Variants in GRIK4 observed in about 807,000 individuals in gnomAD.
GRIK4 encodes the protein glutamate receptor ionotropic, kainate 4.
A neutral mutation model predicts 104.9 loss-of-function variants in GRIK4; 40 were observed. The observed-to-expected ratio is 0.38, with a 90% confidence interval of 0.30 to 0.50. GRIK4 has a LOEUF of 0.50. GRIK4 is among the 20% of genes least tolerant of loss of function. The probability of loss-of-function intolerance (pLI) is 0.93; values close to 1 mark genes in which losing one functional copy is unlikely to be tolerated. For missense variants in GRIK4, 1,047 were observed against 1,308.1 expected, an observed-to-expected ratio of 0.80 and a Z score of 3.08; for synonymous variants, 485 against 524.9, an observed-to-expected ratio of 0.92 and a Z score of 1.04.
intron 11 of GRIK4, among the ~76,000 whole-genome samples, chr11:120,888,337 C>T (rs77736487): frequency 0.014 from 2,133 of 152,092 alleles, 52 homozygotes; most frequent in African/African-American, 0.048. Context: ...GGGCAAGAAA[C>T]CCAACCTCTC....
At position 120,524,138 on chromosome 11, in the gene GRIK4, G is replaced by T. The variant is rs1034873337; in HGVS notation, c.-159+12251G>T. Among the ~76,000 whole-genome samples, 4 of 152,132 alleles carry T rather than the reference G, an allele frequency of 2.6e-5. No individual in the cohort carries two copies. The highest frequency in any genetic ancestry group is 9.7e-5 in the African/African-American group (4 of 41,420). ...GACAGGGTTTCATCATGTTAGCCAG[G>T]ATGGTCTCGATCTCCTGACCTCATG... On this transcript the variant is annotated intron_variant, in intron 1 of 20. Transcript: ENST00000527524. The surrounding 1 kb of genome is among the most constrained non-coding windows in gnomAD (Gnocchi z 4.5).
intron 5 of GRIK4, 29 bp downstream of exon 5, chr11:120,815,504 C>T (rs1952933172): frequency 2.3e-6 from 3 of 1,331,712 alleles, no homozygotes; most frequent in Non-Finnish European, 3.1e-6. Flanking sequence ...TGGGGAATAT[C>T]TGTGTGCTGG....
Position 120,815,481 on chromosome 11 carries a change from T to C in GRIK4, c.345+6T>C, listed in dbSNP as rs1283584293. Reference sequence around the variant, plus strand: ...ACATCTGTGGAGAGAAGGAGGTGAGTGTGAGGCAGGGCTGGGGAATATCTG... The same window carrying C: ...ACATCTGTGGAGAGAAGGAGGTGAGCGTGAGGCAGGGCTGGGGAATATCTG... On this transcript the variant is annotated splice_donor_region_variant and intron_variant, in intron 5 of 20. Transcript: ENST00000527524. The C allele has an allele frequency of 6.7e-7, 1 of 1,502,648 alleles. No homozygotes were observed. The highest frequency in any genetic ancestry group is 9.0e-7 in the Non-Finnish European group (1 of 1,106,578). The allele number at this position is 1,502,648 out of a possible 1,614,324, so 93.1% of individuals were successfully genotyped here.
chr11:120,530,016 G>A (rs1341065729), intron 1 of GRIK4, among the ~76,000 whole-genome samples: 4 of 152,214 alleles, frequency 2.6e-5, no homozygotes, highest in Non-Finnish European at 4.4e-5. Flanking sequence ...GTGGCTCAGT[G>A]GCCTGCTTAG....
At chr11:120,755,236 T>C (rs1000963597) in intron 3 of GRIK4, among the ~76,000 whole-genome samples, 1 of 152,008 alleles carries the variant, frequency 6.6e-6, no homozygotes, top group Non-Finnish European at 1.5e-5. Context: ...GAGAACACAA[T>C]TGCACCATGG....
chr11:120,940,239 G>T lies in GRIK4; in HGVS notation c.1477-108G>T. ...CTTAGAGCCACTCCTCAAGCAAGAA[G>T]CCAGACCAGCATCACATCTCCAATA... is the stretch of plus-strand genomic sequence containing the variant. On this transcript the variant is annotated intron_variant, in intron 13 of 20. Transcript: ENST00000527524. This position sits in a 1 kb window ranked among gnomAD's most constrained non-coding sequence, Gnocchi z 4.3. The T allele has an allele frequency of 1.5e-6, 1 of 672,232 alleles. No homozygotes were observed. 41.6% of individuals were successfully genotyped at this position (672,232 alleles called of 1,614,324 possible).
In GRIK4 at chr11:120,574,260, G is replaced by A. The variant is rs116169285; in HGVS notation, c.-159+62373G>A. ...GACTGTGCCGGGAGCAGCCATCCAC[G>A]ATCACGTCGCTGGGCTGGATGGTCC... On this transcript the variant is annotated intron_variant, in intron 1 of 20. Coordinates refer to ENST00000527524, the MANE Select transcript of GRIK4 (RefSeq NM_014619.5). 2.6e-3 allele frequency among the ~76,000 whole-genome samples: 393 copies of A among 152,282 alleles called. 2 individuals are homozygous for A. Among genetic ancestry groups the A allele is most frequent in the African/African-American group, 9.0e-3 (372 of 41,550 alleles).
intron 13 of GRIK4, among the ~76,000 whole-genome samples, chr11:120,918,448 A>G (rs1045281939): frequency 6.6e-6 from 1 of 152,194 alleles, no homozygotes; most frequent in Non-Finnish European, 1.5e-5. Context: ...TTACTTTCAT[A>G]GAGTTCACAT....
chr11:120,793,853 G>A (rs937970738), intron 3 of GRIK4, among the ~76,000 whole-genome samples: 3 of 149,772 alleles, frequency 2.0e-5, no homozygotes, highest in Non-Finnish European at 3.0e-5. Flanking sequence ...GGGAAGGGCA[G>A]TGTTAGGGCT....
chr11:120,512,196 G>T (rs7115952), intron 1 of GRIK4, among the ~76,000 whole-genome samples: 10,423 of 150,830 alleles, frequency 0.069, 1,080 homozygotes, highest in African/African-American at 0.23. Flanking sequence ...CCCTCCCTCC[G>T]CATCCCTTCC....
chr11:120,725,790 T>A (rs537636793), intron 3 of GRIK4, among the ~76,000 whole-genome samples: 3 of 152,336 alleles, frequency 2.0e-5, no homozygotes, highest in African/African-American at 7.2e-5. Context: ...TTCTGTTCCC[T>A]TGGCCATATC....
intron 19 of GRIK4, among the ~76,000 whole-genome samples, chr11:120,980,826 G>T (rs1944639394): frequency 6.6e-6 from 1 of 152,172 alleles, no homozygotes; most frequent in African/African-American, 2.4e-5. Context: ...TGTAGGCAGG[G>T]ACAGCTACTG....
chr11:120,523,145 A>G (rs529346036), intron 1 of GRIK4, among the ~76,000 whole-genome samples: 1 of 148,878 alleles, frequency 6.7e-6, no homozygotes, highest in African/African-American at 2.5e-5. Flanking sequence ...ATCTAAGAGC[A>G]CAGAGTAGGC....
chr11:120,736,453 C>T (rs2135400345), intron 3 of GRIK4, among the ~76,000 whole-genome samples: 1 of 101,470 alleles, frequency 9.9e-6, no homozygotes, highest in Non-Finnish European at 2.2e-5. Context: ...TAGGTCACTC[C>T]AGTCCACTGG....
In GRIK4 at chr11:120,819,329, C is replaced by T. The variant is rs114972430; in HGVS notation, c.346-426C>T. Among the ~76,000 whole-genome samples, 293 of 152,262 alleles carry T rather than the reference C, an allele frequency of 1.9e-3. 1 individual carries two copies. The highest frequency in any genetic ancestry group is 6.6e-3 in the African/African-American group (276 of 41,538). On this transcript the variant is annotated intron_variant, in intron 5 of 20. Transcript: ENST00000527524. The surrounding 1 kb of genome is among the most constrained non-coding windows in gnomAD (Gnocchi z 4.3). The stretch of plus-strand genomic sequence containing the variant: ...GACTCTTCTCTTAGTCCCAGGGTAG[C>T]GATTTTTCTCTTTCTGCCGTCTCTG...
chr11:120,628,370 C>G (rs1373996057), intron 1 of GRIK4, among the ~76,000 whole-genome samples: 2 of 152,250 alleles, frequency 1.3e-5, no homozygotes, highest in East Asian at 3.8e-4. Flanking sequence ...CCTGGCACTA[C>G]TCCCTACCTC....
chr11:120,862,305 C>G, intron 9 of GRIK4, 185 bp downstream of exon 9: 1 of 570,868 alleles, frequency 1.8e-6, no homozygotes, highest in Non-Finnish European at 3.1e-6. Context: ...AAGCAATGAG[C>G]TGTAGACAGC....
chr11:120,851,814 CA>C (rs1253387719), intron 8 of GRIK4, among the ~76,000 whole-genome samples: 2 of 152,118 alleles, frequency 1.3e-5, no homozygotes, highest in African/African-American at 4.8e-5. Context: ...ATCCTGCTGC[CA>C]ATGTGGAGCA....
Position 120,898,619 on chromosome 11 carries a change from C to T in GRIK4, c.1252C>T (p.Leu418=). 6.2e-7 allele frequency: 1 copy of T among 1,606,312 alleles called. No individual in the cohort carries two copies. Among genetic ancestry groups the T allele is most frequent in the Non-Finnish European group, 8.5e-7 (1 of 1,172,894 alleles). Reference sequence around the variant, plus strand: ...CTCGGACACTCTCTTCAACACCACCCTGGTCGTCACCACCATCCTGGTAAG... The same window carrying T: ...CTCGGACACTCTCTTCAACACCACCTTGGTCGTCACCACCATCCTGGTAAG... ...NISDTLFNTT[L]VVTTILENPY... is the part of the protein sequence containing the mutation. The change falls in exon 12 of 21, where the codon CTG becomes TTG. Residue 418 remains leucine, a synonymous_variant. Coordinates refer to ENST00000527524, the MANE Select transcript of GRIK4 (RefSeq NM_014619.5).
Sources: gnomAD v4.1 joint callset for allele counts (sites outside exome capture counted in the v4.1 genomes callset) on GRCh38, gnomAD v4.1.1 for gene constraint, Gnocchi (gnomAD v3.1) non-coding constraint, MANE v1.5 for transcripts, NCBI Gene and HGNC (gene_info 2026-07-23, HGNC 2026-07-21) for gene names.